Variants in ACOXL observed in about 807,000 individuals in gnomAD.
ACOXL encodes acyl-CoA oxidase like, also known as acyl-coenzyme A oxidase-like protein.
Under a neutral mutation model 71.9 loss-of-function variants are expected in ACOXL, and 70 were observed. The observed-to-expected ratio is 0.97, with a 90% CI of 0.80 to 1.19. The LOEUF (loss-of-function observed/expected upper bound fraction) is 1.19, where lower values mean the gene tolerates loss of function less well. ACOXL is among the 50% of genes most tolerant of loss of function. The pLI, the probability that ACOXL is intolerant of heterozygous loss-of-function variation, is 0.00. For synonymous variants in ACOXL, 253 were observed against 281.6 expected, an observed-to-expected ratio of 0.90 and a Z score of 1.02; for missense variants, 703 against 736.3, an observed-to-expected ratio of 0.95 and a Z score of 0.52.
intron 16 of ACOXL, among the ~76,000 whole-genome samples, chr2:111,059,922 A>T (rs1282411848): frequency 6.6e-6 from 1 of 151,908 alleles, no homozygotes; most frequent in Non-Finnish European, 1.5e-5. Flanking sequence ...AAAGAGTAGG[A>T]GAAAGAGAAG....
chr2:110,893,525 T>C (rs2058878702), intron 10 of ACOXL, among the ~76,000 whole-genome samples: 1 of 152,196 alleles, frequency 6.6e-6, no homozygotes, highest in Non-Finnish European at 1.5e-5. Flanking sequence ...GATATAATCT[T>C]TCTGGAGAGT....
chr2:110,841,444 T>C (rs894492213), intron 10 of ACOXL, 39 bp downstream of exon 10: 31 of 1,558,624 alleles, frequency 2.0e-5, no homozygotes, highest in Non-Finnish European at 2.6e-5. Flanking sequence ...AGAATTATCC[T>C]TACCAGTTTA....
At chr2:110,985,570 G>A (rs1465989950) in intron 12 of ACOXL, among the ~76,000 whole-genome samples, 1 of 152,156 alleles carries the variant, frequency 6.6e-6, no homozygotes, top group Non-Finnish European at 1.5e-5. Context: ...AGCCTCGAAT[G>A]CAGATGCCCA....
At chr2:110,911,477 C>T (rs1162186334) in intron 11 of ACOXL, among the ~76,000 whole-genome samples, 2 of 151,966 alleles carry the variant, frequency 1.3e-5, no homozygotes, top group Non-Finnish European at 2.9e-5. Context: ...TAACAAAATA[C>T]TAGTAAACTT....
chr2:110,929,544 A>G (rs542884649), intron 11 of ACOXL, among the ~76,000 whole-genome samples: 6 of 152,408 alleles, frequency 3.9e-5, no homozygotes, highest in Non-Finnish European at 5.9e-5. Flanking sequence ...GAGAAATTCA[A>G]GCCTGCTGCA....
chr2:110,945,997 A>G (rs1472334053), intron 12 of ACOXL, among the ~76,000 whole-genome samples: 3 of 152,178 alleles, frequency 2.0e-5, no homozygotes, highest in Admixed American at 1.3e-4. Context: ...TGTTTTTCCA[A>G]TTGTTTGTGT....
At chr2:110,828,106 G>T (rs939288887) in intron 9 of ACOXL, among the ~76,000 whole-genome samples, 1 of 152,114 alleles carries the variant, frequency 6.6e-6, no homozygotes, top group Non-Finnish European at 1.5e-5. Flanking sequence ...AAGTAGCTTG[G>T]ACTACAGGCA....
chr2:110,873,877 A>G (rs1695569567), intron 10 of ACOXL, among the ~76,000 whole-genome samples: 1 of 152,216 alleles, frequency 6.6e-6, no homozygotes, highest in Non-Finnish European at 1.5e-5. Flanking sequence ...TTCTTGAGGA[A>G]GGTCATGCAG....
At chr2:110,880,651 G>A (rs1486723391) in intron 10 of ACOXL, among the ~76,000 whole-genome samples, 2 of 152,120 alleles carry the variant, frequency 1.3e-5, no homozygotes, top group Non-Finnish European at 2.9e-5. Context: ...AAACTGCTCT[G>A]CAAAAGACTC....
At chr2:111,035,503 C>G (rs1053543745) in intron 15 of ACOXL, among the ~76,000 whole-genome samples, 18 of 152,176 alleles carry the variant, frequency 1.2e-4, no homozygotes, top group African/African-American at 4.1e-4. Context: ...AAATAAATTA[C>G]ATCCACTACT....
At chr2:111,003,581 A>AAAAAAAAAAG (rs1558855365) in intron 14 of ACOXL, among the ~76,000 whole-genome samples, 1 of 147,290 alleles carries the variant, frequency 6.8e-6, no homozygotes, top group African/African-American at 2.6e-5. Flanking sequence ...AAAAAAAAAG[A>AAAAAAAAAAG]ATCACAGAAC....
intron 1 of ACOXL, among the ~76,000 whole-genome samples, chr2:110,755,254 A>G (rs1171447515): frequency 6.6e-6 from 1 of 152,204 alleles, no homozygotes; most frequent in Non-Finnish European, 1.5e-5. Context: ...AACTGATGCC[A>G]TAAACCCAGG....
At chr2:110,973,999 G>A (rs913841920) in intron 12 of ACOXL, among the ~76,000 whole-genome samples, 1 of 152,154 alleles carries the variant, frequency 6.6e-6, no homozygotes, top group Non-Finnish European at 1.5e-5. Flanking sequence ...AGCCTGCCAG[G>A]TGACTGCCCT....
chr2:110,819,464 A>C (rs930361145), intron 9 of ACOXL, among the ~76,000 whole-genome samples: 16 of 152,130 alleles, frequency 1.1e-4, no homozygotes, highest in African/African-American at 3.9e-4. Context: ...GGAGAAGGTG[A>C]CATTGTGCAG....
chr2:110,782,214 GC>G lies in ACOXL; in HGVS notation c.76-2517del, dbSNP rs556054511. 7.5e-4 allele frequency among the ~76,000 whole-genome samples: 114 copies of G among 152,286 alleles called. 1 individual carries two copies. Among genetic ancestry groups the G allele is most frequent in the African/African-American group, 2.5e-3 (104 of 41,560 alleles). On this transcript the variant is annotated intron_variant, in intron 2 of 17. Coordinates refer to ENST00000439055, the MANE Select transcript of ACOXL (RefSeq NM_001142807.4). Reference sequence around the variant, plus strand: ...GTAGAATTGCTGCAATTCTACTGCTGCAATGTAGAAGAGCACATAACTATTG... The same window carrying G: ...GTAGAATTGCTGCAATTCTACTGCTGAATGTAGAAGAGCACATAACTATTG...
At chr2:110,927,251 A>C (rs1327311351) in intron 11 of ACOXL, among the ~76,000 whole-genome samples, 1 of 151,932 alleles carries the variant, frequency 6.6e-6, no homozygotes, top group Non-Finnish European at 1.5e-5. Flanking sequence ...TGATTCAATC[A>C]CCTCTCGCCA....
intron 2 of ACOXL, among the ~76,000 whole-genome samples, 195 bp downstream of exon 2, chr2:110,768,659 A>G (rs1384627758): frequency 1.3e-5 from 2 of 152,030 alleles, no homozygotes; most frequent in East Asian, 3.8e-4. Context: ...AGTAGTGGGC[A>G]CTGAACTCAC....
intron 10 of ACOXL, among the ~76,000 whole-genome samples, chr2:110,900,421 A>T (rs2059189866): frequency 6.6e-6 from 1 of 152,176 alleles, no homozygotes; most frequent in Non-Finnish European, 1.5e-5. Context: ...CTATGCCTTG[A>T]ACACCTGCTA....
At chr2:111,012,861 G>C (rs1315307786) in intron 14 of ACOXL, among the ~76,000 whole-genome samples, 1 of 152,044 alleles carries the variant, frequency 6.6e-6, no homozygotes, top group African/African-American at 2.4e-5. Context: ...TTTTAAAAAG[G>C]TTTTAAATAA....
Sources: gnomAD v4.1 joint callset for allele counts (sites outside exome capture counted in the v4.1 genomes callset) on GRCh38, gnomAD v4.1.1 for gene constraint, MANE v1.5 for transcripts, NCBI Gene and HGNC (gene_info 2026-07-23, HGNC 2026-07-21) for gene names.